PLXNA1: variants seen among roughly 807,000 people sequenced by gnomAD.
The protein encoded by PLXNA1 is plexin-A1.
Under a neutral mutation model 191.7 loss-of-function variants are expected in PLXNA1, and 77 were observed. The ratio of observed to expected loss-of-function variants is 0.40; its 90% CI spans 0.33 to 0.49. PLXNA1 has a LOEUF of 0.49. Ranked by LOEUF, PLXNA1 falls within the 20% of genes least tolerant of loss-of-function variation. PLXNA1 has a pLI of 0.63. For synonymous variants in PLXNA1, 1,137 were observed against 1,156.4 expected (o/e 0.98, Z 0.34); for missense variants, 2,110 against 2,660.2 (o/e 0.79, Z 4.55).
intron 9 of PLXNA1, among the ~76,000 whole-genome samples, chr3:127,011,408 C>T (rs1293267120): frequency 1.3e-5 from 2 of 152,214 alleles, no homozygotes; most frequent in African/African-American, 4.8e-5. Context: ...GCCTTGGGGG[C>T]TGTTGCAGGG....
intron 23 of PLXNA1, chr3:127,026,652 T>A (rs970486480): frequency 6.6e-6 from 1 of 152,232 alleles, no homozygotes; most frequent in Non-Finnish European, 1.5e-5. Flanking sequence ...AGGTCTGGGA[T>A]GGTCTTAACA....
chr3:127,013,982 G>A (rs762596279), intron 10 of PLXNA1, 38 bp from the exon 11 acceptor site: 41 of 1,590,152 alleles, frequency 2.6e-5, no homozygotes, highest in African/African-American at 1.6e-4. Flanking sequence ...CCTGGAGGCC[G>A]CTTAGCTGGG....
intron 9 of PLXNA1, among the ~76,000 whole-genome samples, chr3:127,010,294 C>T (rs1253286232): frequency 6.6e-6 from 1 of 152,178 alleles, no homozygotes; most frequent in Non-Finnish European, 1.5e-5. Context: ...GACAACTGGA[C>T]CTGGCTCTGA....
In PLXNA1 at chr3:126,991,464, C is replaced by T; in HGVS notation, c.1275C>T (p.Pro425=). The T allele has an allele frequency of 6.2e-7, 1 of 1,612,838 alleles. No individual in the cohort carries two copies. The highest frequency in any genetic ancestry group is 8.5e-7 in the Non-Finnish European group (1 of 1,179,862). The change falls in exon 3 of 32, where the codon CCC becomes CCT. Residue 425 remains proline, a synonymous_variant. Coordinates refer to ENST00000393409, the MANE Select transcript of PLXNA1 (RefSeq NM_032242.4). ...LGGTVTIEGT[P]LFVDKDDGLT... is the part of the protein sequence containing the mutation. The stretch of plus-strand genomic sequence containing the variant: ...GCACAGTCACCATTGAGGGGACGCC[C>T]CTGTTCGTGGACAAGGATGATGGCC...
chr3:127,015,154 A>G (rs1260414533), intron 14 of PLXNA1, 30 bp from the exon 15 acceptor site: 2 of 1,593,800 alleles, frequency 1.3e-6, no homozygotes, highest in Non-Finnish European at 1.7e-6. Context: ...GACTTTCCTG[A>G]GAGTTTCAGC....
At chr3:127,003,564 C>T in intron 4 of PLXNA1, 94 bp downstream of exon 4, 1 of 1,382,414 alleles carries the variant, frequency 7.2e-7, no homozygotes, top group Admixed American at 2.3e-5. Context: ...GGCCACATCA[C>T]AAGTTGGGCG....
At chr3:127,018,689 C>T (rs1491003125) in intron 20 of PLXNA1, among the ~76,000 whole-genome samples, 161 bp downstream of exon 20, 1 of 152,222 alleles carries the variant, frequency 6.6e-6, no homozygotes, top group Non-Finnish European at 1.5e-5. Flanking sequence ...GGGCAGTGGG[C>T]GGGTGCCTGA....
At chr3:127,029,255 C>T (rs567986041) in intron 26 of PLXNA1, among the ~76,000 whole-genome samples, 159 bp downstream of exon 26, 80 of 152,322 alleles carry the variant, frequency 5.3e-4, no homozygotes, top group African/African-American at 1.9e-3. Context: ...TCCCAGGACT[C>T]GAGCTGGGCT....
chr3:126,994,837 G>T (rs1372396310), intron 3 of PLXNA1, among the ~76,000 whole-genome samples: 1 of 152,106 alleles, frequency 6.6e-6, no homozygotes, highest in Non-Finnish European at 1.5e-5. Flanking sequence ...CTTGGGAGAG[G>T]CCGGGCCCCG....
At chr3:127,006,238 C>A in intron 8 of PLXNA1, 60 bp downstream of exon 8, 1 of 1,295,152 alleles carries the variant, frequency 7.7e-7, no homozygotes, top group Non-Finnish European at 1.1e-6. Context: ...CACTCCCGTC[C>A]CTGTGGTCCC....
chr3:127,013,967 G>C, intron 10 of PLXNA1, 53 bp from the exon 11 acceptor site: 2 of 1,532,262 alleles, frequency 1.3e-6, no homozygotes, highest in South Asian at 2.2e-5. Context: ...GTGAGGCTTG[G>C]GAGGCCTGGA....
chr3:126,984,139 G>T (rs1311688750), intron 1 of PLXNA1, among the ~76,000 whole-genome samples: 1 of 152,204 alleles, frequency 6.6e-6, no homozygotes, highest in Non-Finnish European at 1.5e-5. Flanking sequence ...CCAGGGGAAG[G>T]GGGAGTGGGG....
At position 127,003,474 on chromosome 3, in the gene PLXNA1, G is replaced by A. The variant is rs556167330; in HGVS notation, c.1518+4G>A. 25 of 1,600,032 alleles carry A rather than the reference G, an allele frequency of 1.6e-5. No homozygotes were observed. The South Asian group carries it at 1.8e-4, about 11-fold the overall frequency. On this transcript the variant is annotated splice_donor_region_variant and intron_variant, in intron 4 of 31. Coordinates refer to ENST00000393409, the MANE Select transcript of PLXNA1 (RefSeq NM_032242.4). ...CTACGCCATGACCGAGAAGCAGGTG[G>A]GTGCTGCACCAGTCAGACGGTGTGG...
chr3:126,993,054 C>T (rs1453588506), intron 3 of PLXNA1, among the ~76,000 whole-genome samples: 1 of 152,164 alleles, frequency 6.6e-6, no homozygotes, highest in Non-Finnish European at 1.5e-5. Flanking sequence ...CTAGCCCTAC[C>T]CTGTTCCTGC....
chr3:127,022,650 G>T (rs1038139931), intron 22 of PLXNA1, 102 bp from the exon 23 acceptor site: 19 of 1,094,132 alleles, frequency 1.7e-5, no homozygotes, highest in East Asian at 9.5e-5. Context: ...CTGTAGGAAG[G>T]GGGGCAGGGT....
At chr3:127,001,478 G>T (rs879299493) in intron 3 of PLXNA1, among the ~76,000 whole-genome samples, 10 of 150,536 alleles carry the variant, frequency 6.6e-5, no homozygotes, top group South Asian at 2.1e-4. Flanking sequence ...TGGTAGGGGA[G>T]GGGGAGCTGG....
intron 3 of PLXNA1, among the ~76,000 whole-genome samples, chr3:126,999,898 C>G (rs946619756): frequency 1.3e-5 from 2 of 152,202 alleles, no homozygotes; most frequent in African/African-American, 4.8e-5. Flanking sequence ...GACTGCACTT[C>G]GGTCTCGGCT....
intron 9 of PLXNA1, among the ~76,000 whole-genome samples, chr3:127,011,418 G>C (rs886621347): frequency 6.6e-6 from 1 of 152,232 alleles, no homozygotes; most frequent in African/African-American, 2.4e-5. Flanking sequence ...CTGTTGCAGG[G>C]CTTGGGGATT....
At chr3:127,023,187 G>C (rs2079160719) in intron 23 of PLXNA1, among the ~76,000 whole-genome samples, 1 of 152,210 alleles carries the variant, frequency 6.6e-6, no homozygotes, top group African/African-American at 2.4e-5. Context: ...CTGTCATGGG[G>C]ACAGGTGACC....
Sources: allele counts gnomAD v4.1 joint callset (sites outside exome capture counted in the v4.1 genomes callset), GRCh38; gene constraint gnomAD v4.1.1; transcripts MANE v1.5; gene names NCBI Gene and HGNC (gene_info 2026-07-23, HGNC 2026-07-21).